The following LPAR3 variants were observed in gnomAD, a reference collection of about 807,000 sequenced individuals.
The protein encoded by LPAR3 is LPA receptor 3.
In LPAR3, 7 loss-of-function variants were observed where a neutral mutation model predicts 17.8. The ratio of observed to expected loss-of-function variants is 0.39; its 90% CI spans 0.22 to 0.74. LPAR3 has a LOEUF of 0.74. Ranked by LOEUF, LPAR3 falls within the 30% of genes least tolerant of loss-of-function variation. The pLI is 0.40. For synonymous variants in LPAR3, 179 were observed against 179.9 expected, an observed-to-expected ratio of 0.99 and a Z score of 0.04; for missense variants, 391 against 453.4, an observed-to-expected ratio of 0.86 and a Z score of 1.25.
At chr1:84,833,702 C>T (rs748140034) in intron 2 of LPAR3, among the ~76,000 whole-genome samples, 186 of 152,170 alleles carry the variant, frequency 1.2e-3, no homozygotes, top group Admixed American at 2.2e-3. Flanking sequence ...CCTGTTAGCC[C>T]ACCTGTACCT....
At chr1:84,860,826 C>A (rs1659926649) in intron 2 of LPAR3, among the ~76,000 whole-genome samples, 1 of 151,170 alleles carries the variant, frequency 6.6e-6, no homozygotes. Flanking sequence ...GCAACCTCCA[C>A]CTCCTGGGTT....
intron 2 of LPAR3, among the ~76,000 whole-genome samples, chr1:84,834,111 A>G (rs1324068119): frequency 6.6e-6 from 1 of 152,174 alleles, no homozygotes; most frequent in Non-Finnish European, 1.5e-5. Flanking sequence ...GTGTGTCTCT[A>G]TTAAAGCCTA....
intron 2 of LPAR3, among the ~76,000 whole-genome samples, chr1:84,823,290 C>T (rs1267835232): frequency 6.6e-6 from 1 of 152,160 alleles, no homozygotes; most frequent in African/African-American, 2.4e-5. Flanking sequence ...TTAACACTTT[C>T]AGATGTGGTA....
At chr1:84,827,748 G>A (rs946568252) in intron 2 of LPAR3, among the ~76,000 whole-genome samples, 4 of 152,160 alleles carry the variant, frequency 2.6e-5, no homozygotes, top group African/African-American at 7.2e-5. Context: ...GAGCTCTGAA[G>A]AATGACATCA....
chr1:84,819,113 G>A (rs1659000146), intron 2 of LPAR3, among the ~76,000 whole-genome samples: 1 of 152,124 alleles, frequency 6.6e-6, no homozygotes, highest in Admixed American at 6.5e-5. Context: ...TAAGGACCTT[G>A]GAACACTCCC....
At position 84,813,324 on chromosome 1, in the gene LPAR3, C is replaced by G. The variant is rs1416410378; in HGVS notation, c.*522G>C. 1 of 152,022 alleles carries G rather than the reference C, an allele frequency of 6.6e-6. No individual in the cohort carries two copies. Among genetic ancestry groups the G allele is most frequent in the Non-Finnish European group, 1.5e-5 (1 of 68,256 alleles). The allele number at this position is 152,022 out of a possible 1,614,324, so 9.4% of individuals were successfully genotyped here. ...GTTAAAAATCAGGTTTAATCTGGAG[C>G]TCTTACTGATTTTTCTTTGATTCCT... On this transcript the variant is annotated 3_prime_UTR_variant, in exon 3 of 3. Coordinates refer to ENST00000370611, the MANE Select transcript of LPAR3 (RefSeq NM_012152.3).
chr1:84,853,109 A>AAAG (rs1388377533), intron 2 of LPAR3, among the ~76,000 whole-genome samples: 3 of 52 alleles, frequency 0.058, no homozygotes, highest in Admixed American at 0.17. Flanking sequence ...AAAGAAAAGA[A>AAAG]AAAAAAAAAA....
intron 2 of LPAR3, among the ~76,000 whole-genome samples, chr1:84,842,630 A>C (rs1031211729): frequency 6.6e-6 from 1 of 152,218 alleles, no homozygotes; most frequent in Non-Finnish European, 1.5e-5. Context: ...ACTCTTAAAA[A>C]TTGTCTTCTG....
chr1:84,828,885 A>G (rs1411291818), intron 2 of LPAR3, among the ~76,000 whole-genome samples: 1 of 152,188 alleles, frequency 6.6e-6, no homozygotes, highest in Non-Finnish European at 1.5e-5. Flanking sequence ...ATTGCTGTCC[A>G]AGGACTTCAT....
intron 1 of LPAR3, among the ~76,000 whole-genome samples, chr1:84,871,017 C>T (rs923679840): frequency 2.0e-5 from 3 of 152,046 alleles, no homozygotes; most frequent in African/African-American, 7.2e-5. Flanking sequence ...AGACACTTTT[C>T]TGAAAATATG....
chr1:84,846,130 A>G (rs1430720062), intron 2 of LPAR3, among the ~76,000 whole-genome samples: 1 of 152,220 alleles, frequency 6.6e-6, no homozygotes, highest in Admixed American at 6.5e-5. Context: ...AAATAAATAA[A>G]TTCAAGATTG....
At chr1:84,886,419 G>T (rs529756533) in intron 1 of LPAR3, among the ~76,000 whole-genome samples, 1 of 152,296 alleles carries the variant, frequency 6.6e-6, no homozygotes, top group South Asian at 2.1e-4. Context: ...CTAGCTACTT[G>T]GGAGGCTGAG....
At chr1:84,841,290 C>T (rs930541576) in intron 2 of LPAR3, among the ~76,000 whole-genome samples, 1 of 152,184 alleles carries the variant, frequency 6.6e-6, no homozygotes, top group Non-Finnish European at 1.5e-5. Context: ...TTTACAAGGA[C>T]AACCGACGGC....
chr1:84,850,393 CAAAAAAAAAAAA>C (rs561506398), intron 2 of LPAR3, among the ~76,000 whole-genome samples: 23 of 38,746 alleles, frequency 5.9e-4, no homozygotes, highest in South Asian at 5.2e-3. Context: ...TCTGTCTCTA[CAAAAAAAAAAAA>C]AAAAAAAAAA....
At chr1:84,892,212 CAAAAATAA>C (rs1313303357) in intron 1 of LPAR3, among the ~76,000 whole-genome samples, 33 of 119,444 alleles carry the variant, frequency 2.8e-4, no homozygotes, top group African/African-American at 1.0e-3. Flanking sequence ...GACTGTGTCT[CAAAAATAA>C]ATAAATAAAT....
intron 1 of LPAR3, among the ~76,000 whole-genome samples, chr1:84,872,954 C>T (rs1373373739): frequency 1.3e-5 from 2 of 152,090 alleles, no homozygotes; most frequent in Non-Finnish European, 2.9e-5. Flanking sequence ...GATCTTCCTC[C>T]CAAAAACCCA....
intron 2 of LPAR3, among the ~76,000 whole-genome samples, chr1:84,839,297 C>A (rs946017538): frequency 6.6e-6 from 1 of 152,148 alleles, no homozygotes; most frequent in Non-Finnish European, 1.5e-5. Flanking sequence ...ATTTTTTGCA[C>A]CACAGACTGT....
At chr1:84,844,705 C>T (rs1659564832) in intron 2 of LPAR3, among the ~76,000 whole-genome samples, 2 of 152,098 alleles carry the variant, frequency 1.3e-5, no homozygotes, top group African/African-American at 2.4e-5. Context: ...AAAAAATATT[C>T]GTATGTTGTC....
chr1:84,859,883 GTTGT>G (rs1224566644), intron 2 of LPAR3, among the ~76,000 whole-genome samples: 1 of 152,204 alleles, frequency 6.6e-6, no homozygotes, highest in Non-Finnish European at 1.5e-5. Context: ...CACATGGTGT[GTTGT>G]TTGACAATAA....
Sources: allele counts gnomAD v4.1 joint callset (sites outside exome capture counted in the v4.1 genomes callset), GRCh38; gene constraint gnomAD v4.1.1; transcripts MANE v1.5; gene names NCBI Gene and HGNC (gene_info 2026-07-23, HGNC 2026-07-21).